Variants in SH3BGR observed in about 807,000 individuals in gnomAD.
The protein encoded by SH3BGR is SH3 domain binding glutamate rich protein.
A neutral mutation model predicts 24.5 loss-of-function variants in SH3BGR; 29 were observed. That is an observed-to-expected ratio of 1.18 (90% CI 0.88 to 1.61). The LOEUF (loss-of-function observed/expected upper bound fraction) is 1.61, where lower values mean the gene tolerates loss of function less well. Among genes scored for constraint, SH3BGR ranks in the 40% most tolerant of loss-of-function variants. The pLI is 0.00. For missense variants in SH3BGR, 162 were observed against 205.8 expected (o/e 0.79, Z 1.30); for synonymous variants, 55 against 65.7 (o/e 0.84, Z 0.79).
intron 4 of SH3BGR, among the ~76,000 whole-genome samples, chr21:39,503,585 A>T (rs1383235016): frequency 6.6e-6 from 1 of 152,240 alleles, no homozygotes; most frequent in Non-Finnish European, 1.5e-5. Context: ...GCTATGAAAC[A>T]TGCATACTCA....
At chr21:39,477,294 A>T (rs2078042838) in intron 3 of SH3BGR, among the ~76,000 whole-genome samples, 1 of 152,012 alleles carries the variant, frequency 6.6e-6, no homozygotes, top group African/African-American at 2.4e-5. Context: ...ATTTAAAAAA[A>T]TTTTTGTTCA....
chr21:39,513,584 C>T (rs552381300), intron 6 of SH3BGR, among the ~76,000 whole-genome samples: 17 of 152,168 alleles, frequency 1.1e-4, no homozygotes, highest in Non-Finnish European at 4.4e-5. Context: ...TGATGTCTCT[C>T]CAGGGTGTTT....
At chr21:39,459,639 C>CT (rs2148456612) in intron 1 of SH3BGR, among the ~76,000 whole-genome samples, 1 of 152,096 alleles carries the variant, frequency 6.6e-6, no homozygotes, top group Admixed American at 6.5e-5. Context: ...CTCAAGTGAT[C>CT]TTCCCACCTC....
rs771966020 is a variant in SH3BGR, at chr21:39,475,235, A to G, written c.312+20A>G. On this transcript the variant is annotated intron_variant, in intron 3 of 6. Coordinates refer to ENST00000333634, the MANE Select transcript of SH3BGR (RefSeq NM_007341.3). ...TCAAAGGTAAGTTTGAACAAACTCC[A>G]TTGGGGTTCAAAACAGGTAATACTA... is the stretch of plus-strand genomic sequence containing the variant. The G allele has an allele frequency of 1.4e-6, 2 of 1,478,372 alleles. No homozygotes were observed. The highest frequency in any genetic ancestry group is 1.9e-6 in the Non-Finnish European group (2 of 1,057,002). 91.6% of individuals were successfully genotyped at this position (1,478,372 alleles called of 1,614,324 possible).
chr21:39,480,920 G>T (rs976156240), intron 3 of SH3BGR, among the ~76,000 whole-genome samples: 1 of 152,094 alleles, frequency 6.6e-6, no homozygotes, highest in Non-Finnish European at 1.5e-5. Flanking sequence ...GAATGAATGT[G>T]GTATCTTATT....
At chr21:39,499,079 C>G (rs1286535936) in intron 3 of SH3BGR, among the ~76,000 whole-genome samples, 2 of 152,170 alleles carry the variant, frequency 1.3e-5, no homozygotes, top group Non-Finnish European at 1.5e-5. Context: ...CGTGAGAACT[C>G]ACTCACCATC....
intron 1 of SH3BGR, among the ~76,000 whole-genome samples, chr21:39,461,027 T>A (rs2077745960): frequency 1.3e-5 from 2 of 152,144 alleles, no homozygotes; most frequent in South Asian, 4.1e-4. Flanking sequence ...CATTAAAGCT[T>A]TGCAAAAAAT....
chr21:39,473,259 C>A (rs1404069175), intron 2 of SH3BGR, among the ~76,000 whole-genome samples: 1 of 152,166 alleles, frequency 6.6e-6, no homozygotes, highest in Non-Finnish European at 1.5e-5. Context: ...GCCTCGAAAT[C>A]TAGAGTTGGC....
chr21:39,488,748 C>T (rs2078250870), intron 3 of SH3BGR: 1 of 448,862 alleles, frequency 2.2e-6, no homozygotes, highest in Non-Finnish European at 4.5e-6. Context: ...GGCATGAGGA[C>T]AGCAATGGTT....
intron 1 of SH3BGR, among the ~76,000 whole-genome samples, chr21:39,459,498 C>A (rs1339685359): frequency 6.7e-6 from 1 of 149,464 alleles, no homozygotes; most frequent in African/African-American, 2.5e-5. Flanking sequence ...GCTGGGATTA[C>A]AGGCATGCAC....
At chr21:39,475,050 TA>T in intron 2 of SH3BGR, 84 bp from the exon 3 acceptor site, 1 of 832,466 alleles carries the variant, frequency 1.2e-6, no homozygotes. Context: ...ACTTAAGGAC[TA>T]AGAAATACAA....
chr21:39,509,772 G>A (rs1403875491), intron 5 of SH3BGR, among the ~76,000 whole-genome samples: 1 of 151,938 alleles, frequency 6.6e-6, no homozygotes, highest in Non-Finnish European at 1.5e-5. Flanking sequence ...ACTGCACTGG[G>A]CCTGGATTAA....
At chr21:39,499,497 C>T (rs2078456826) in intron 3 of SH3BGR, among the ~76,000 whole-genome samples, 1 of 152,128 alleles carries the variant, frequency 6.6e-6, no homozygotes, top group Non-Finnish European at 1.5e-5. Context: ...AATTATAAGC[C>T]TCCCTCCATA....
intron 3 of SH3BGR, among the ~76,000 whole-genome samples, chr21:39,495,205 GT>G (rs767606033): frequency 4.7e-4 from 71 of 151,878 alleles, no homozygotes; most frequent in Non-Finnish European, 9.0e-4. Context: ...TTCATTGGTT[GT>G]TTTTTTCTCT....
upstream of SH3BGR, chr21:39,451,755 G>C: frequency 1.0e-6 from 1 of 973,446 alleles, no homozygotes; most frequent in East Asian, 2.6e-5. Flanking sequence ...ACAGGTCTCC[G>C]ATTGGTGCAC....
At chr21:39,465,294 C>T (rs1220753370) in intron 2 of SH3BGR, among the ~76,000 whole-genome samples, 1 of 152,174 alleles carries the variant, frequency 6.6e-6, no homozygotes, top group African/African-American at 2.4e-5. Context: ...CACAGGACCC[C>T]ATCCACAGGA....
intron 3 of SH3BGR, among the ~76,000 whole-genome samples, chr21:39,487,544 A>G (rs760884935): frequency 3.3e-5 from 5 of 152,196 alleles, no homozygotes; most frequent in Non-Finnish European, 5.9e-5. Context: ...TGTCCTTCTC[A>G]TGGGAACCAC....
Position 39,511,856 on chromosome 21 carries a change from T to C in SH3BGR, c.*34+47T>C, listed in dbSNP as rs2078702121. ...GGAAAAGCTGCTAGTTACCGTACTG[T>C]ATGCTATCTGCGGCACATTTTGCTT... On this transcript the variant is annotated intron_variant, in intron 6 of 6. Transcript: ENST00000333634. The surrounding 1 kb of genome is among the most constrained non-coding windows in gnomAD (Gnocchi z 4.2). 5.9e-6 allele frequency: 9 copies of C among 1,522,894 alleles called. No homozygotes were observed. In the South Asian group the frequency reaches 1.2e-4, roughly 20 times the overall value. The allele number at this position is 1,522,894 out of a possible 1,614,324, so 94.3% of individuals were successfully genotyped here.
chr21:39,487,570 C>A (rs1225795487), intron 3 of SH3BGR, among the ~76,000 whole-genome samples: 1 of 152,220 alleles, frequency 6.6e-6, no homozygotes, highest in Non-Finnish European at 1.5e-5. Flanking sequence ...GAAGTTCTAA[C>A]ATTCCAACAG....
Sources: allele counts gnomAD v4.1 joint callset (sites outside exome capture counted in the v4.1 genomes callset), GRCh38; gene constraint gnomAD v4.1.1; non-coding constraint Gnocchi (gnomAD v3.1); transcripts MANE v1.5; gene names NCBI Gene and HGNC (gene_info 2026-07-23, HGNC 2026-07-21).